The following EFR3B variants were observed in gnomAD, a reference collection of about 807,000 sequenced individuals.
The protein encoded by EFR3B is protein EFR3 homolog B.
EFR3B carries 64 observed loss-of-function variants against 104.7 expected under a neutral mutation model. That is an observed-to-expected ratio of 0.61 (90% CI 0.50 to 0.75). EFR3B has a LOEUF of 0.75. Among genes scored for constraint, EFR3B ranks in the 30% least tolerant of loss-of-function variants. The pLI is 0.00. For synonymous variants in EFR3B, 385 were observed against 417.9 expected (o/e 0.92, Z 0.96); for missense variants, 750 against 1,078.5 (o/e 0.70, Z 4.27).
intron 4 of EFR3B, among the ~76,000 whole-genome samples, chr2:25,119,545 G>T (rs573791823): frequency 1.2e-4 from 19 of 152,224 alleles, no homozygotes; most frequent in Non-Finnish European, 5.9e-5. Context: ...GAACTTGTAC[G>T]TAATCGATGA....
chr2:25,073,089 A>G (rs1057200642), intron 1 of EFR3B, among the ~76,000 whole-genome samples: 1 of 152,268 alleles, frequency 6.6e-6, no homozygotes, highest in Non-Finnish European at 1.5e-5. Flanking sequence ...TGAAGCATAC[A>G]TTCACAACGA....
In EFR3B at chr2:25,057,752, T is replaced by G. The variant is rs543801861; in HGVS notation, c.7+15433T>G. ...AGCCGAGATTGCACCATTATTGCAC[T>G]CCATCCTGAGCAACAAGAGCAAAAC... On this transcript the variant is annotated intron_variant, in intron 1 of 22. Transcript: ENST00000403714. 7.1e-4 allele frequency among the ~76,000 whole-genome samples: 100 copies of G among 140,122 alleles called. 2 individuals carry two copies. The highest frequency in any genetic ancestry group is 9.2e-4 in the Non-Finnish European group (61 of 66,324). The allele number at this position is 140,122 out of a possible 152,430, so 91.9% of individuals were successfully genotyped here.
At chr2:25,080,582 C>G (rs1050088190) in intron 1 of EFR3B, 2 of 518,574 alleles carry the variant, frequency 3.9e-6, no homozygotes, top group Non-Finnish European at 6.8e-6. Flanking sequence ...GCATGAGCCA[C>G]CACTCCTGGC....
chr2:25,072,142 A>G (rs1340978841), intron 1 of EFR3B, among the ~76,000 whole-genome samples: 1 of 152,126 alleles, frequency 6.6e-6, no homozygotes, highest in Non-Finnish European at 1.5e-5. Context: ...CGCTTTCGTC[A>G]CCAGTTCCAG....
At chr2:25,059,875 C>CAAAAAAAA (rs773320701) in intron 1 of EFR3B, among the ~76,000 whole-genome samples, 1 of 48,742 alleles carries the variant, frequency 2.1e-5, no homozygotes, top group African/African-American at 9.1e-5. Context: ...AACTCTGTCT[C>CAAAAAAAA]AAAAAAAAAA....
chr2:25,047,855 G>A (rs1224797105), intron 1 of EFR3B, among the ~76,000 whole-genome samples: 1 of 152,078 alleles, frequency 6.6e-6, no homozygotes, highest in Non-Finnish European at 1.5e-5. Flanking sequence ...TGTTCCATAA[G>A]ATTAAGAACA....
chr2:25,139,397 TG>T (rs572423382), intron 16 of EFR3B, among the ~76,000 whole-genome samples: 91 of 150,702 alleles, frequency 6.0e-4, no homozygotes, highest in Admixed American at 1.7e-3. Context: ...GCACAGGGGT[TG>T]GGGGGGGTCT....
chr2:25,079,905 A>T, intron 1 of EFR3B: 1 of 1,369,478 alleles, frequency 7.3e-7, no homozygotes, highest in Non-Finnish European at 1.0e-6. Flanking sequence ...TTCAGATCAT[A>T]TTGGCAACTG....
rs149576499 is a variant in EFR3B, at chr2:25,061,163, G to A, written c.7+18844G>A. On this transcript the variant is annotated intron_variant, in intron 1 of 22. Coordinates refer to ENST00000403714, the MANE Select transcript of EFR3B (RefSeq NM_014971.2). ...TTTTTTGAAACAGTCTCACTTTGTC[G>A]CCCAGGCTGGAATGCAGTGGTGCAA... is the stretch of plus-strand genomic sequence containing the variant. 3.2e-4 allele frequency among the ~76,000 whole-genome samples: 48 copies of A among 149,676 alleles called. No homozygotes were observed. In the East Asian group the frequency reaches 5.1e-3, roughly 16 times the overall value.
At chr2:25,079,163 G>A (rs1050276447) in intron 1 of EFR3B, among the ~76,000 whole-genome samples, 4 of 152,200 alleles carry the variant, frequency 2.6e-5, no homozygotes, top group African/African-American at 9.7e-5. Flanking sequence ...ATGCAGCACA[G>A]GTCATGCTAC....
chr2:25,147,945 C>G (rs1670864490), intron 19 of EFR3B: 1 of 146,654 alleles, frequency 6.8e-6, no homozygotes, highest in African/African-American at 2.6e-5. Context: ...CACTGGAAAC[C>G]AACCAGGAGG....
chr2:25,154,384 G>A lies in EFR3B; in HGVS notation c.*44G>A, dbSNP rs1448721031. 6.6e-7 allele frequency: 1 copy of A among 1,506,800 alleles called. No homozygotes were observed. The highest frequency in any genetic ancestry group is 9.0e-7 in the Non-Finnish European group (1 of 1,106,612). The allele number at this position is 1,506,800 out of a possible 1,614,324, so 93.3% of individuals were successfully genotyped here. On this transcript the variant is annotated 3_prime_UTR_variant, in exon 23 of 23. Transcript: ENST00000403714. The surrounding 1 kb of genome is among the most constrained non-coding windows in gnomAD (Gnocchi z 4.1). Reference sequence around the variant, plus strand: ...CCTCAAGGAGATGGGGTCTGAGGAGGGGCTCACCTCACGCCCACCCCGACC... The same window carrying A: ...CCTCAAGGAGATGGGGTCTGAGGAGAGGCTCACCTCACGCCCACCCCGACC...
intron 1 of EFR3B, among the ~76,000 whole-genome samples, chr2:25,077,657 A>C (rs923490018): frequency 6.6e-6 from 1 of 152,258 alleles, no homozygotes; most frequent in African/African-American, 2.4e-5. Context: ...ACTATCCTGT[A>C]GGATCCCAAT....
chr2:25,150,496 T>C (rs45516700), intron 20 of EFR3B, among the ~76,000 whole-genome samples: 5,512 of 152,262 alleles, frequency 0.036, 149 homozygotes, highest in Non-Finnish European at 0.056. Flanking sequence ...TCTATCTGGA[T>C]CATTGGACAA....
chr2:25,119,457 A>C (rs1370260184), intron 4 of EFR3B, among the ~76,000 whole-genome samples: 1 of 152,188 alleles, frequency 6.6e-6, no homozygotes, highest in Non-Finnish European at 1.5e-5. Context: ...TCAGCACCTC[A>C]AGTCTGTTCC....
At chr2:25,046,946 G>C (rs1013003286) in intron 1 of EFR3B, among the ~76,000 whole-genome samples, 7 of 152,100 alleles carry the variant, frequency 4.6e-5, no homozygotes, top group African/African-American at 1.7e-4. Flanking sequence ...CCATGATCCA[G>C]GTATGGCCTA....
chr2:25,118,868 G>A lies in EFR3B; in HGVS notation c.364-2805G>A, dbSNP rs562423196. Among the ~76,000 whole-genome samples, 345 of 150,832 alleles carry A rather than the reference G, an allele frequency of 2.3e-3. 2 individuals carry two copies. Among genetic ancestry groups the A allele is most frequent in the African/African-American group, 5.2e-3 (214 of 41,018 alleles). ...ATCCTGGCTAACATGGTGAAACCCC[G>A]TCTCAACTAAAAATACAAAACCAGC... On this transcript the variant is annotated intron_variant, in intron 4 of 22. Coordinates refer to ENST00000403714, the MANE Select transcript of EFR3B (RefSeq NM_014971.2).
intron 4 of EFR3B, among the ~76,000 whole-genome samples, chr2:25,108,454 A>T (rs1669627040): frequency 6.6e-6 from 1 of 152,236 alleles, no homozygotes; most frequent in African/African-American, 2.4e-5. Context: ...AGCCTAGTGT[A>T]TACAAACGGT....
In EFR3B at chr2:25,131,537, A is replaced by G; in HGVS notation, c.985+34A>G. 1 of 1,544,656 alleles carries G rather than the reference A, an allele frequency of 6.5e-7. No individual in the cohort carries two copies. Among genetic ancestry groups the G allele is most frequent in the Middle Eastern group, 1.7e-4 (1 of 5,934 alleles). On this transcript the variant is annotated intron_variant, in intron 9 of 22. Coordinates refer to ENST00000403714, the MANE Select transcript of EFR3B (RefSeq NM_014971.2). The surrounding 1 kb of genome is among the most constrained non-coding windows in gnomAD (Gnocchi z 7.6). Reference sequence around the variant, plus strand: ...CATGGCTAGGGCCTGAGGGCCGGGGACCCCGCGGAGGCTGCCGCCTCTTAC... The same window carrying G: ...CATGGCTAGGGCCTGAGGGCCGGGGGCCCCGCGGAGGCTGCCGCCTCTTAC...
Sources: gnomAD v4.1 joint callset for allele counts (sites outside exome capture counted in the v4.1 genomes callset) on GRCh38, gnomAD v4.1.1 for gene constraint, Gnocchi (gnomAD v3.1) non-coding constraint, MANE v1.5 for transcripts, NCBI Gene and HGNC (gene_info 2026-07-23, HGNC 2026-07-21) for gene names.